Variants in KIFC2 observed in about 807,000 individuals in gnomAD.
KIFC2 encodes kinesin family member C2, also known as kinesin-like protein KIFC2.
KIFC2 carries 94 observed loss-of-function variants against 91.5 expected under a neutral mutation model. The observed-to-expected ratio is 1.03, with a 90% CI of 0.87 to 1.22. KIFC2 has a LOEUF of 1.22. Among genes scored for constraint, KIFC2 ranks in the 50% most tolerant of loss-of-function variants. The pLI, the probability that KIFC2 is intolerant of heterozygous loss-of-function variation, is 0.00. For synonymous variants in KIFC2, 729 were observed against 503.9 expected, an observed-to-expected ratio of 1.45 and a Z score of -5.98; for missense variants, 1,357 against 1,103.3, an observed-to-expected ratio of 1.23 and a Z score of -3.26.
At position 144,468,590 on chromosome 8, in the gene KIFC2, C is replaced by A; in HGVS notation, c.943C>A (p.Gln315Lys). The part of the protein sequence containing the change: ...QGLQGALQQL[Q>K]QETEQNCRRE... ...CCTTCAAGGGGCCCTCCAGCAGCTC[C>A]AGCAGGAGACGGAGCAGAACTGCAG... The change falls in exon 9 of 18, where the codon CAG becomes AAG. Residue 315 changes from glutamine to lysine, a missense_variant. By Grantham distance (53) the Gln-to-Lys change is moderately conservative (BLOSUM62 1). Coordinates refer to ENST00000645548, the MANE Select transcript of KIFC2 (RefSeq NM_001369769.2). The A allele has an allele frequency of 6.2e-7, 1 of 1,611,728 alleles. No individual in the cohort carries two copies. Among genetic ancestry groups the A allele is most frequent in the Non-Finnish European group, 8.5e-7 (1 of 1,179,022 alleles).
Position 144,473,902 on chromosome 8 carries a change from C to T in KIFC2, c.*513C>T. On this transcript the variant is annotated 3_prime_UTR_variant, in exon 18 of 18. Coordinates refer to ENST00000645548, the MANE Select transcript of KIFC2 (RefSeq NM_001369769.2). ...CACCACTGGGCTCTCCCTCCCCCAG[C>T]CTGGAGCACGGGAGGGGAGGTGACG... The T allele has an allele frequency of 2.4e-6, 1 of 423,936 alleles. No individual in the cohort carries two copies. Among genetic ancestry groups the T allele is most frequent in the Non-Finnish European group, 4.2e-6 (1 of 237,238 alleles). 26.3% of individuals were successfully genotyped at this position (423,936 alleles called of 1,614,324 possible). A position where few individuals can be genotyped will look rare whatever the true frequency, so the allele number is the denominator to read the frequency against.
In KIFC2 at chr8:144,467,547, G is replaced by T; in HGVS notation, c.532G>T (p.Asp178Tyr). The change falls in exon 5 of 18, where the codon GAT becomes TAT. Residue 178 changes from aspartate (D) to tyrosine (Y), a missense_variant. Physicochemically the swap from Asp to Tyr is radical, Grantham distance 160. Transcript: ENST00000645548. ...FTAVPGEPLG[D>Y]ETQGQQPLQL... ...CGCAGTCCCAGGCGAGCCACTGGGG[G>T]ATGAGACCCAGGGACAGCAGCCCCT... 1.2e-6 allele frequency: 2 copies of T among 1,604,996 alleles called. No homozygotes were observed. The highest frequency in any genetic ancestry group is 1.7e-6 in the Non-Finnish European group (2 of 1,176,216).
At position 144,472,692 on chromosome 8, in the gene KIFC2, C is replaced by T. The variant is rs1387651024; in HGVS notation, c.1847C>T (p.Ala616Val). 7 of 1,594,794 alleles carry T rather than the reference C, an allele frequency of 4.4e-6. No individual in the cohort carries two copies. Among genetic ancestry groups the T allele is most frequent in the Middle Eastern group, 3.3e-4 (2 of 6,032 alleles). Residue 616 changes from alanine (A) to valine (V), a missense_variant, in exon 16 of 18, where the codon GCT becomes GTT. By Grantham distance (64) the Ala-to-Val change is moderately conservative. Coordinates refer to ENST00000645548, the MANE Select transcript of KIFC2 (RefSeq NM_001369769.2). Reference protein sequence around the residue: ...LTLRAASPPRAPGTAGTLHLV... With the variant: ...LTLRAASPPRVPGTAGTLHLV... ...CTGCGCGCGGCGTCTCCACCGCGCG[C>T]TCCAGGCACCGCAGGTACCACGGCC...
chr8:144,471,960 C>A lies in KIFC2; in HGVS notation c.1399C>A (p.Pro467Thr), dbSNP rs769710231. 2.3e-5 allele frequency: 37 copies of A among 1,613,236 alleles called. No individual in the cohort carries two copies. The highest frequency in any genetic ancestry group is 3.1e-5 in the Non-Finnish European group (36 of 1,180,010). ...SQEEVFRELE[P>T]AVLSCLRGYS... ...CCCGCAGGTCTTCAGAGAGCTGGAA[C>A]CTGCGGTGCTGTCCTGCCTCCGAGG... The change falls in exon 13 of 18, where the codon CCT becomes ACT. Residue 467 changes from proline to threonine, a missense_variant. Physicochemically the swap from Pro to Thr is conservative, Grantham distance 38. Transcript: ENST00000645548.
In KIFC2 at chr8:144,472,788, C is replaced by G; in HGVS notation, c.1862-7C>G. 1.3e-6 allele frequency: 2 copies of G among 1,591,140 alleles called. No homozygotes were observed. Among genetic ancestry groups the G allele is most frequent in the Non-Finnish European group, 1.7e-6 (2 of 1,176,880 alleles). On this transcript the variant is annotated splice_region_variant and splice_polypyrimidine_tract_variant and intron_variant, in intron 16 of 17. Transcript: ENST00000645548. ...TTCCCCCATGTCGGGCTCGCTCGCC[C>G]CTCTAGGCACGCTGCACCTGGTGGA...
Position 144,466,533 on chromosome 8 carries a change from C to G in KIFC2, c.99+15C>G. 8.5e-7 allele frequency: 1 copy of G among 1,177,508 alleles called. No individual in the cohort carries two copies. The highest frequency in any genetic ancestry group is 1.1e-6 in the Non-Finnish European group (1 of 933,850). 72.9% of individuals were successfully genotyped at this position (1,177,508 alleles called of 1,614,324 possible). On this transcript the variant is annotated intron_variant, in intron 1 of 17. Coordinates refer to ENST00000645548, the MANE Select transcript of KIFC2 (RefSeq NM_001369769.2). ...ACCCCGCCCAGGTGAGCGGGGCTGGCCGTGCAGCCCGTCGTCTCCCGCCGC... is the reference window on the plus strand; with the variant it reads ...ACCCCGCCCAGGTGAGCGGGGCTGGGCGTGCAGCCCGTCGTCTCCCGCCGC...
At chr8:144,471,662 C>T (rs544303691) in intron 12 of KIFC2, among the ~76,000 whole-genome samples, 1 of 152,178 alleles carries the variant, frequency 6.6e-6, no homozygotes, top group Non-Finnish European at 1.5e-5. Context: ...CCCCAGGTCT[C>T]CTACGTGGTC....
chr8:144,470,253 AG>A (rs139534102), intron 12 of KIFC2, among the ~76,000 whole-genome samples: 45,267 of 152,216 alleles, frequency 0.3, 8,174 homozygotes, highest in Middle Eastern at 0.4. Context: ...GCAGGTGGCC[AG>A]GGTCACCCTG....
rs965333255 is a variant in KIFC2 at position 144,468,964 on chromosome 8, C to T, written c.1113+130C>T. 2.8e-5 allele frequency: 20 copies of T among 721,572 alleles called. No individual in the cohort carries two copies. In the Admixed American group the frequency reaches 5.3e-4, roughly 19 times the overall value. 44.7% of individuals were successfully genotyped at this position (721,572 alleles called of 1,614,324 possible). On this transcript the variant is annotated intron_variant, in intron 10 of 17. Coordinates refer to ENST00000645548, the MANE Select transcript of KIFC2 (RefSeq NM_001369769.2). ...TGGAACCCAAACAGCTTCTGTGTGA[C>T]CCAGGGTGGGATTCCACTTCTGGGC...
rs367794438 is a variant in KIFC2 at position 144,472,718 on chromosome 8, G to T, written c.1861+12G>T. ...TCCAGGCACCGCAGGTACCACGGCCGGTGCCTGAGCCCTGCGGAGTCTCCA... is the reference window on the plus strand; with the variant it reads ...TCCAGGCACCGCAGGTACCACGGCCTGTGCCTGAGCCCTGCGGAGTCTCCA... On this transcript the variant is annotated intron_variant, in intron 16 of 17. Transcript: ENST00000645548. The T allele has an allele frequency of 1.3e-6, 2 of 1,592,680 alleles. No homozygotes were observed. Among genetic ancestry groups the T allele is most frequent in the Non-Finnish European group, 1.7e-6 (2 of 1,177,122 alleles).
At position 144,472,821 on chromosome 8, in the gene KIFC2, G is replaced by A; in HGVS notation, c.1888G>A (p.Gly630Arg). 6.3e-7 allele frequency: 1 copy of A among 1,579,246 alleles called. No individual in the cohort carries two copies. Among genetic ancestry groups the A allele is most frequent in the Non-Finnish European group, 8.5e-7 (1 of 1,172,774 alleles). The change falls in exon 17 of 18, where the codon GGA becomes AGA. Residue 630 changes from glycine (G) to arginine (R), a missense_variant. By Grantham distance (125) the Gly-to-Arg change is moderately radical. Coordinates refer to ENST00000645548, the MANE Select transcript of KIFC2 (RefSeq NM_001369769.2). ...AGTLHLVDLA[G>R]SERARKAGAA... is the part of the protein sequence containing the mutation. ...CACGCTGCACCTGGTGGACCTGGCG[G>A]GATCCGAACGCGCACGGAAGGCAGG...
chr8:144,468,884 T>C lies in KIFC2; in HGVS notation c.1113+50T>C, dbSNP rs374769188. 1.5e-5 allele frequency: 22 copies of C among 1,499,786 alleles called. No homozygotes were observed. The African/African-American group carries it at 3.0e-4, about 21-fold the overall frequency. 92.9% of individuals were successfully genotyped at this position (1,499,786 alleles called of 1,614,324 possible). A position where few individuals can be genotyped will look rare whatever the true frequency, so the allele number is the denominator to read the frequency against. ...CCTCCTCTCTGGGCAGCCTATTCAC[T>C]GTTCTTTTGACGGGGGCGTTCCTGG... On this transcript the variant is annotated intron_variant, in intron 10 of 17. Coordinates refer to ENST00000645548, the MANE Select transcript of KIFC2 (RefSeq NM_001369769.2).
upstream of KIFC2, chr8:144,466,299 G>A (rs1187895097): frequency 1.7e-5 from 4 of 241,830 alleles, no homozygotes; most frequent in Non-Finnish European, 3.0e-5. Context: ...AGCCGTGGGA[G>A]CCGGGCCGTG....
Position 144,467,203 on chromosome 8 carries a change from TCTGGC to T in KIFC2, c.332_336del (p.Ser111Ter). ...GCTCGGATTCTTGTCTCCTTCGCAG[TCTGGC>T]GAGGTCCCCTCACTGTTGACAGTGA... is the stretch of plus-strand genomic sequence containing the variant. On this transcript the variant is annotated frameshift_variant and splice_region_variant, in exon 4 of 18. Transcript: ENST00000645548. LOFTEE classifies it high-confidence loss of function. 6.2e-7 allele frequency: 1 copy of T among 1,613,558 alleles called. No homozygotes were observed.
At chr8:144,466,935 C>T (rs545816844) in intron 2 of KIFC2, 24 bp from the exon 3 acceptor site, 10 of 1,582,360 alleles carry the variant, frequency 6.3e-6, no homozygotes, top group Middle Eastern at 1.7e-4. Context: ...CGAAATGTCT[C>T]CCGCCCTCCT....
Position 144,473,927 on chromosome 8 carries a change from G to T in KIFC2, c.*538G>T. 1 of 438,796 alleles carries T rather than the reference G, an allele frequency of 2.3e-6. No individual in the cohort carries two copies. Among genetic ancestry groups the T allele is most frequent in the Non-Finnish European group, 4.1e-6 (1 of 246,598 alleles). The allele number at this position is 438,796 out of a possible 1,614,324, so 27.2% of individuals were successfully genotyped here. On this transcript the variant is annotated 3_prime_UTR_variant, in exon 18 of 18. Transcript: ENST00000645548. ...CCTGGAGCACGGGAGGGGAGGTGAC[G>T]GCTGGTGACTGATGGATGGGTAGTG...
In KIFC2 at chr8:144,468,311, G is replaced by A; in HGVS notation, c.811-18G>A. 1.3e-6 allele frequency: 2 copies of A among 1,599,250 alleles called. No individual in the cohort carries two copies. Among genetic ancestry groups the A allele is most frequent in the Non-Finnish European group, 1.7e-6 (2 of 1,172,854 alleles). On this transcript the variant is annotated intron_variant, in intron 7 of 17. Coordinates refer to ENST00000645548, the MANE Select transcript of KIFC2 (RefSeq NM_001369769.2). ...ACCGTCCCTCTCTGAGTCCCTCCTG[G>A]CCCCCACCCTCCCGCAGGAGGAGGC... is the stretch of plus-strand genomic sequence containing the variant.
intron 7 of KIFC2, 143 bp downstream of exon 7, chr8:144,468,130 G>C: frequency 8.5e-7 from 1 of 1,176,910 alleles, no homozygotes; most frequent in Non-Finnish European, 1.2e-6. Context: ...ATGCCAATGG[G>C]AAGACCCCCC....
At chr8:144,472,315 G>C (rs975928267) in intron 14 of KIFC2, 46 bp from the exon 15 acceptor site, 4 of 1,613,326 alleles carry the variant, frequency 2.5e-6, no homozygotes, top group African/African-American at 1.3e-5. Context: ...GGCCCTTCCG[G>C]ATTTCCAGAG....
Sources: allele counts gnomAD v4.1 joint callset (sites outside exome capture counted in the v4.1 genomes callset), GRCh38; gene constraint gnomAD v4.1.1; transcripts MANE v1.5; gene names NCBI Gene and HGNC (gene_info 2026-07-23, HGNC 2026-07-21).